LMX1A: variants seen among roughly 807,000 people sequenced by gnomAD.
LMX1A encodes LIM homeobox transcription factor 1 alpha, also known as LIM homeobox transcription factor 1-alpha.
LMX1A carries 15 observed loss-of-function variants against 49.1 expected under a neutral mutation model. That is an observed-to-expected ratio of 0.31 (90% CI 0.20 to 0.47). LMX1A has a LOEUF of 0.47. Ranked by LOEUF, LMX1A falls within the 20% of genes least tolerant of loss-of-function variation. The probability of loss-of-function intolerance (pLI) is 1.00; values close to 1 mark genes in which losing one functional copy is unlikely to be tolerated. For missense variants in LMX1A, 372 were observed against 475.8 expected (o/e 0.78, Z 2.03); for synonymous variants, 167 against 185.7 (o/e 0.90, Z 0.82).
At chr1:165,223,811 A>T (rs1165725317) in intron 4 of LMX1A, among the ~76,000 whole-genome samples, 1 of 118,010 alleles carries the variant, frequency 8.5e-6, no homozygotes, top group East Asian at 2.4e-4. Context: ...ACAAACTTTA[A>T]AAAAAAAAAA....
chr1:165,227,823 T>C (rs1652089845), intron 4 of LMX1A, among the ~76,000 whole-genome samples: 3 of 152,186 alleles, frequency 2.0e-5, no homozygotes, highest in African/African-American at 7.2e-5. Context: ...CAAAAAGTCT[T>C]GGTTTTTGTT....
chr1:165,237,703 A>G (rs1282756485), intron 4 of LMX1A, among the ~76,000 whole-genome samples: 1 of 152,212 alleles, frequency 6.6e-6, no homozygotes, highest in Non-Finnish European at 1.5e-5. Flanking sequence ...ACAGCACCAA[A>G]TAGCAGAGTA....
At chr1:165,266,697 G>A (rs892249155) in intron 3 of LMX1A, among the ~76,000 whole-genome samples, 1 of 148,102 alleles carries the variant, frequency 6.8e-6, no homozygotes, top group Non-Finnish European at 1.5e-5. Flanking sequence ...CGCCTCCCGG[G>A]TTCACGCCAT....
intron 4 of LMX1A, among the ~76,000 whole-genome samples, chr1:165,236,070 G>C (rs1211175507): frequency 6.6e-6 from 1 of 152,182 alleles, no homozygotes; most frequent in Non-Finnish European, 1.5e-5. Flanking sequence ...GCCGCCCCCA[G>C]CCTGAGCGCT....
chr1:165,260,150 G>A (rs796228532), intron 3 of LMX1A, among the ~76,000 whole-genome samples: 10 of 152,206 alleles, frequency 6.6e-5, no homozygotes, highest in African/African-American at 1.4e-4. Flanking sequence ...TTTTCCTTTC[G>A]CTTCATCCTC....
At chr1:165,308,050 G>T (rs886365903) in intron 3 of LMX1A, among the ~76,000 whole-genome samples, 2 of 151,566 alleles carry the variant, frequency 1.3e-5, no homozygotes, top group Non-Finnish European at 2.9e-5. Context: ...AACATAAGAA[G>T]AAAAAAAGAA....
intron 3 of LMX1A, among the ~76,000 whole-genome samples, chr1:165,315,565 G>A (rs1003293293): frequency 3.3e-5 from 5 of 152,206 alleles, no homozygotes; most frequent in Non-Finnish European, 5.9e-5. Flanking sequence ...TCCAAGTCAT[G>A]TTGTATTTGG....
intron 3 of LMX1A, among the ~76,000 whole-genome samples, chr1:165,328,353 T>G (rs956009250): frequency 2.0e-5 from 3 of 152,218 alleles, no homozygotes; most frequent in African/African-American, 7.2e-5. Context: ...TGTCCCATAG[T>G]GCTATGTCCA....
intron 4 of LMX1A, among the ~76,000 whole-genome samples, chr1:165,236,627 T>C (rs1240198562): frequency 1.3e-5 from 2 of 152,124 alleles, no homozygotes; most frequent in Non-Finnish European, 2.9e-5. Context: ...CTGCGTTCTC[T>C]TCTAACTCGA....
chr1:165,309,110 G>T (rs888661834), intron 3 of LMX1A, among the ~76,000 whole-genome samples: 1 of 151,778 alleles, frequency 6.6e-6, no homozygotes, highest in Non-Finnish European at 1.5e-5. Context: ...CCCCCTCCCC[G>T]CCCTGCCACC....
At chr1:165,351,339 A>G (rs1286638894) in intron 3 of LMX1A, among the ~76,000 whole-genome samples, 1 of 152,250 alleles carries the variant, frequency 6.6e-6, no homozygotes, top group African/African-American at 2.4e-5. Context: ...ATGAAAAGCG[A>G]GAGAGAAAAA....
At chr1:165,282,043 C>A (rs530137007) in intron 3 of LMX1A, among the ~76,000 whole-genome samples, 2 of 152,316 alleles carry the variant, frequency 1.3e-5, no homozygotes, top group South Asian at 4.1e-4. Context: ...TGGCACATGC[C>A]AGCCCTCAGA....
At chr1:165,215,373 A>G (rs1322264278) in intron 4 of LMX1A, among the ~76,000 whole-genome samples, 1 of 152,198 alleles carries the variant, frequency 6.6e-6, no homozygotes, top group African/African-American at 2.4e-5. Context: ...TGATCTAACA[A>G]GAACCTCATT....
intron 3 of LMX1A, 36 bp downstream of exon 3, chr1:165,353,040 G>A (rs1010723667): frequency 6.2e-7 from 1 of 1,606,684 alleles, no homozygotes; most frequent in Non-Finnish European, 8.5e-7. Context: ...ACTGATGCCA[G>A]TGCGCGGGGA....
intron 3 of LMX1A, among the ~76,000 whole-genome samples, chr1:165,274,023 C>T (rs1163471706): frequency 1.3e-5 from 2 of 152,200 alleles, no homozygotes; most frequent in Admixed American, 6.5e-5. Context: ...TTGAGTCAAA[C>T]ATAATTGTCA....
chr1:165,207,990 G>A (rs942190387), intron 7 of LMX1A, 73 bp downstream of exon 7: 14 of 1,275,838 alleles, frequency 1.1e-5, no homozygotes, highest in Middle Eastern at 2.3e-4. Flanking sequence ...CCAAAGAGCT[G>A]GGTAGTGGGA....
intron 3 of LMX1A, among the ~76,000 whole-genome samples, chr1:165,342,508 G>A (rs751868271): frequency 6.6e-6 from 1 of 152,096 alleles, no homozygotes; most frequent in Non-Finnish European, 1.5e-5. Flanking sequence ...TGGGGGCTGG[G>A]GGGAAGAAGA....
chr1:165,206,170 G>T, intron 7 of LMX1A, 136 bp from the exon 8 acceptor site: 1 of 742,198 alleles, frequency 1.3e-6, no homozygotes, highest in Non-Finnish European at 2.1e-6. Context: ...TCCTACCAGA[G>T]GCCATCAGGA....
chr1:165,222,621 C>G (rs531341811), intron 4 of LMX1A, among the ~76,000 whole-genome samples: 1 of 152,350 alleles, frequency 6.6e-6, no homozygotes, highest in South Asian at 2.1e-4. Context: ...AGTTGACTAA[C>G]ACTCAAAATG....
Sources: gnomAD v4.1 joint callset for allele counts (sites outside exome capture counted in the v4.1 genomes callset) on GRCh38, gnomAD v4.1.1 for gene constraint, MANE v1.5 for transcripts, NCBI Gene and HGNC (gene_info 2026-07-23, HGNC 2026-07-21) for gene names.